Variants in ATP11C observed in about 807,000 individuals in gnomAD.
ATP11C encodes ATPase phospholipid transporting 11C (ATP11C blood group).
ATP11C carries 36 observed loss-of-function variants against 97.4 expected under a neutral mutation model. The observed-to-expected ratio is 0.37, with a 90% CI of 0.28 to 0.49. ATP11C has a LOEUF of 0.49. Ranked by LOEUF, ATP11C falls within the 20% of genes least tolerant of loss-of-function variation. The pLI, the probability that ATP11C is intolerant of heterozygous loss-of-function variation, is 0.98. For synonymous variants in ATP11C, 275 were observed against 290.9 expected (o/e 0.95, Z 0.56); for missense variants, 730 against 824.6 (o/e 0.89, Z 1.40).
At chrX:139,852,350 T>G (rs1226153817) in intron 1 of ATP11C, among the ~76,000 whole-genome samples, 1 of 101,700 alleles carries the variant, frequency 9.8e-6, no homozygotes, top group Non-Finnish European at 2.0e-5. Flanking sequence ...CCTCCTGGGG[T>G]GGTCTCTGGT....
Position 139,835,714 on chromosome X carries a change from G to A in ATP11C, c.28-8891C>T, listed in dbSNP as rs142172458. ...GCCACCGCACCCAGCTAGTGGGGAC[G>A]GACTTTCTAGCAATAAAACTTGAAA... On this transcript the variant is annotated intron_variant, in intron 1 of 29. Coordinates refer to ENST00000682941, the MANE Select transcript of ATP11C (RefSeq NM_001353812.2). Among the ~76,000 whole-genome samples, 592 of 107,280 alleles carry A rather than the reference G, an allele frequency of 5.5e-3. 10 individuals carry two copies. Among genetic ancestry groups the A allele is most frequent in the African/African-American group, 0.018 (544 of 29,618 alleles). 93.2% of individuals were successfully genotyped at this position (107,280 alleles called of 115,157 possible). A position where few individuals can be genotyped will look rare whatever the true frequency, so the allele number is the denominator to read the frequency against.
chrX:139,887,418 A>G (rs2084659975), intron 1 of ATP11C, among the ~76,000 whole-genome samples: 1 of 109,455 alleles, frequency 9.1e-6, no homozygotes, highest in Non-Finnish European at 1.9e-5. Context: ...TCTCTTCAGG[A>G]GTTTGAGACC....
At chrX:139,900,869 T>C (rs1018914117) in intron 1 of ATP11C, among the ~76,000 whole-genome samples, 2 of 111,939 alleles carry the variant, frequency 1.8e-5, no homozygotes, top group Non-Finnish European at 3.8e-5. Context: ...ACCTTCAATA[T>C]GGTATTAGAA....
At chrX:139,738,368 G>A (rs1221964422) in intron 27 of ATP11C, among the ~76,000 whole-genome samples, 7 of 112,010 alleles carry the variant, frequency 6.2e-5, no homozygotes, top group Non-Finnish European at 1.3e-4. Flanking sequence ...AAATGCTGGT[G>A]CTTAAAAGAT....
At chrX:139,913,798 T>C (rs1404343714) in intron 1 of ATP11C, among the ~76,000 whole-genome samples, 2 of 112,035 alleles carry the variant, frequency 1.8e-5, no homozygotes, top group Admixed American at 1.9e-4. Flanking sequence ...ACAGCCTTGT[T>C]GCTCACACGA....
chrX:139,845,962 A>G lies in ATP11C; in HGVS notation c.28-19139T>C, dbSNP rs1338061. ...AGGGAAGTTGTACACCACTATAGAG[A>G]TCGCTCAGATTGTTGTGTGGGGATC... On this transcript the variant is annotated intron_variant, in intron 1 of 29. Coordinates refer to ENST00000682941, the MANE Select transcript of ATP11C (RefSeq NM_001353812.2). 5.7e-3 allele frequency among the ~76,000 whole-genome samples: 640 copies of G among 112,351 alleles called. 10 individuals carry two copies. Among genetic ancestry groups the G allele is most frequent in the African/African-American group, 0.019 (588 of 30,972 alleles).
chrX:139,886,203 T>C (rs1045934896), intron 1 of ATP11C, among the ~76,000 whole-genome samples: 1 of 111,077 alleles, frequency 9.0e-6, no homozygotes, highest in Non-Finnish European at 1.9e-5. Context: ...AAGATCAATA[T>C]ATAGAAATTG....
chrX:139,862,418 T>C (rs1250616018), intron 1 of ATP11C, among the ~76,000 whole-genome samples: 1 of 111,357 alleles, frequency 9.0e-6, no homozygotes, highest in African/African-American at 3.3e-5. Flanking sequence ...GGGGGCAATT[T>C]TGGGGACTGC....
In ATP11C at chrX:139,828,249, CTAAGAG is replaced by C. The variant is rs1427265532; in HGVS notation, c.28-1432_28-1427del. Among the ~76,000 whole-genome samples, 3 of 111,841 alleles carry C rather than the reference CTAAGAG, an allele frequency of 2.7e-5. No individual in the cohort carries two copies. In the Admixed American group the frequency reaches 2.9e-4, roughly 11 times the overall value. ...CTGATTGTCCAAGGTCCTTCGCATG[CTAAGAG>C]TAAATGATTCATAGATAAATTTTCA... is the stretch of plus-strand genomic sequence containing the variant. On this transcript the variant is annotated intron_variant, in intron 1 of 29. Coordinates refer to ENST00000682941, the MANE Select transcript of ATP11C (RefSeq NM_001353812.2).
intron 20 of ATP11C, among the ~76,000 whole-genome samples, chrX:139,766,612 G>C: frequency 9.0e-6 from 1 of 111,375 alleles, no homozygotes; most frequent in Non-Finnish European, 1.9e-5. Flanking sequence ...GCATATGTGT[G>C]CGTGTGTGTG....
chrX:139,844,477 C>A (rs1469788702), intron 1 of ATP11C, among the ~76,000 whole-genome samples: 4 of 112,251 alleles, frequency 3.6e-5, no homozygotes, highest in Non-Finnish European at 5.6e-5. Flanking sequence ...ATATGCAGGG[C>A]AAGCAGTGGG....
chrX:139,833,597 G>C (rs1018803166), intron 1 of ATP11C, among the ~76,000 whole-genome samples: 1 of 110,371 alleles, frequency 9.1e-6, no homozygotes, highest in African/African-American at 3.3e-5. Context: ...ACCTGAGGCA[G>C]GAGGACCACT....
chrX:139,907,265 G>C (rs961258795), intron 1 of ATP11C, among the ~76,000 whole-genome samples: 1 of 111,751 alleles, frequency 8.9e-6, no homozygotes, highest in Non-Finnish European at 1.9e-5. Flanking sequence ...CTTGTGGCTA[G>C]GGAGGGCCAC....
rs140373800 is a variant in ATP11C, at chrX:139,727,210, C to A, written c.*1756G>T. On this transcript the variant is annotated 3_prime_UTR_variant, in exon 30 of 30. Transcript: ENST00000682941. Reference sequence around the variant, plus strand: ...CATAGATTTTATGTAAAACAGCAATCATAATACAGCAACAACAACCATAAG... The same window carrying A: ...CATAGATTTTATGTAAAACAGCAATAATAATACAGCAACAACAACCATAAG... The A allele has an allele frequency of 5.1e-3, 571 of 112,234 alleles. 8 individuals are homozygous for A. Among genetic ancestry groups the A allele is most frequent in the African/African-American group, 0.017 (523 of 30,869 alleles). The allele number at this position is 112,234 out of a possible 1,213,427, so 9.2% of individuals were successfully genotyped here.
intron 1 of ATP11C, among the ~76,000 whole-genome samples, chrX:139,909,220 C>T (rs988070238): frequency 3.6e-5 from 4 of 111,286 alleles, no homozygotes; most frequent in African/African-American, 1.3e-4. Flanking sequence ...CAACCTCCAC[C>T]TCCCAGGTTC....
At chrX:139,820,767 G>A (rs2083391788) in intron 2 of ATP11C, among the ~76,000 whole-genome samples, 1 of 111,274 alleles carries the variant, frequency 9.0e-6, no homozygotes, top group South Asian at 3.8e-4. Flanking sequence ...TTAAGCTCAG[G>A]GACTGAATCA....
In ATP11C at chrX:139,826,700, T is replaced by C. The variant is rs775809192; in HGVS notation, c.147+4A>G. On this transcript the variant is annotated splice_donor_region_variant and intron_variant, in intron 2 of 29. Coordinates refer to ENST00000682941, the MANE Select transcript of ATP11C (RefSeq NM_001353812.2). ...ACATCTATTGAGTTAAAACAAAAAC[T>C]TACCTTAGATGAGACTATTCTATTA... is the stretch of plus-strand genomic sequence containing the variant. 2 of 1,196,434 alleles carry C rather than the reference T, an allele frequency of 1.7e-6. No homozygotes were observed. The highest frequency in any genetic ancestry group is 4.4e-5 in the Admixed American group (2 of 45,221).
At chrX:139,744,612 C>A (rs1191894038) in intron 25 of ATP11C, among the ~76,000 whole-genome samples, 1 of 111,842 alleles carries the variant, frequency 8.9e-6, no homozygotes, top group Non-Finnish European at 1.9e-5. Flanking sequence ...GTGAAAGCTG[C>A]ACAATCAGTT....
At chrX:139,767,579 C>G (rs1001236670) in intron 20 of ATP11C, among the ~76,000 whole-genome samples, 16 of 111,586 alleles carry the variant, frequency 1.4e-4, no homozygotes, top group African/African-American at 5.2e-4. Flanking sequence ...GTCTAGCACA[C>G]AGGTAGAAAT....
Sources: allele counts gnomAD v4.1 joint callset (sites outside exome capture counted in the v4.1 genomes callset), GRCh38; gene constraint gnomAD v4.1.1; transcripts MANE v1.5; gene names NCBI Gene and HGNC (gene_info 2026-07-23, HGNC 2026-07-21).